CDCA7: variants seen among roughly 807,000 people sequenced by gnomAD.
CDCA7 encodes cell division cycle associated 7.
A neutral mutation model predicts 54.0 loss-of-function variants in CDCA7; 28 were observed. The ratio of observed to expected loss-of-function variants is 0.52; its 90% confidence interval spans 0.38 to 0.71. The LOEUF is 0.71. CDCA7 is among the 30% of genes least tolerant of loss of function. The pLI, the probability that CDCA7 is intolerant of heterozygous loss-of-function variation, is 0.00. For synonymous variants in CDCA7, 180 were observed against 208.2 expected, an observed-to-expected ratio of 0.86 and a Z score of 1.16; for missense variants, 484 against 586.0, an observed-to-expected ratio of 0.83 and a Z score of 1.80.
chr2:173,356,049 T>C (rs904493800), intron 1 of CDCA7: 1 of 152,330 alleles, frequency 6.6e-6, no homozygotes, highest in Admixed American at 6.5e-5. Flanking sequence ...CCTCATTGGC[T>C]AAGTGAGAAT....
In CDCA7 at chr2:173,367,915, A is replaced by G. The variant is rs1043168826; in HGVS notation, c.*251A>G. 11 of 544,090 alleles carry G rather than the reference A, an allele frequency of 2.0e-5. No individual in the cohort carries two copies. The highest frequency in any genetic ancestry group is 1.9e-4 in the African/African-American group (10 of 52,374). 33.7% of individuals were successfully genotyped at this position (544,090 alleles called of 1,614,324 possible). ...CTCACAGCATCCCCCTCTATTTCCA[A>G]TGCTCCTCTCCAACCGCTTAGTTTC... On this transcript the variant is annotated 3_prime_UTR_variant, in exon 10 of 10. Coordinates refer to ENST00000306721, the MANE Select transcript of CDCA7 (RefSeq NM_031942.5).
chr2:173,358,649 A>T, intron 1 of CDCA7, 63 bp from the exon 2 acceptor site: 2 of 1,555,950 alleles, frequency 1.3e-6, no homozygotes, highest in African/African-American at 1.4e-5. Flanking sequence ...CTAAAAAAAA[A>T]TGATGTCTTT....
At chr2:173,355,658 C>T (rs1686485789) in intron 1 of CDCA7, among the ~76,000 whole-genome samples, 2 of 145,976 alleles carry the variant, frequency 1.4e-5, no homozygotes, top group Admixed American at 6.9e-5. Flanking sequence ...CTTCCTCCAC[C>T]CCAACCCCCA....
rs1686753782 is a variant in CDCA7, at chr2:173,367,900, C to T, written c.*236C>T. 1 of 561,178 alleles carries T rather than the reference C, an allele frequency of 1.8e-6. No individual in the cohort carries two copies. Among genetic ancestry groups the T allele is most frequent in the Non-Finnish European group, 3.2e-6 (1 of 316,464 alleles). 34.8% of individuals were successfully genotyped at this position (561,178 alleles called of 1,614,324 possible). On this transcript the variant is annotated 3_prime_UTR_variant, in exon 10 of 10. Coordinates refer to ENST00000306721, the MANE Select transcript of CDCA7 (RefSeq NM_031942.5). ...GCTCCCAACCCCCATCTCACAGCAT[C>T]CCCCTCTATTTCCAATGCTCCTCTC... is the stretch of plus-strand genomic sequence containing the variant.
chr2:173,364,505 A>AT (rs1172008309), intron 5 of CDCA7: 2,913 of 230,118 alleles, frequency 0.013, no homozygotes, highest in South Asian at 0.019. Flanking sequence ...CATCAGAGAA[A>AT]ATTTTTTTTT....
At chr2:173,358,067 G>A (rs1025629508) in intron 1 of CDCA7, among the ~76,000 whole-genome samples, 1 of 152,086 alleles carries the variant, frequency 6.6e-6, no homozygotes, top group Non-Finnish European at 1.5e-5. Flanking sequence ...GGGCGTGGTG[G>A]CGGGCGCCTG....
intron 1 of CDCA7, 130 bp downstream of exon 1, chr2:173,355,114 C>T: frequency 9.4e-7 from 1 of 1,060,236 alleles, no homozygotes; most frequent in Non-Finnish European, 1.2e-6. Context: ...GCGTTGCCCG[C>T]TTGGGCAAGC....
chr2:173,362,437 A>G (rs1489438229), intron 3 of CDCA7, among the ~76,000 whole-genome samples: 2 of 152,188 alleles, frequency 1.3e-5, no homozygotes, highest in African/African-American at 4.8e-5. Flanking sequence ...ATTGACTTGT[A>G]TACTTAGAAA....
intron 1 of CDCA7, among the ~76,000 whole-genome samples, chr2:173,355,604 G>C (rs1239994109): frequency 1.3e-5 from 2 of 152,144 alleles, no homozygotes; most frequent in African/African-American, 4.8e-5. Context: ...CATTTAAAGG[G>C]CTTGGTGGGT....
intron 1 of CDCA7, among the ~76,000 whole-genome samples, chr2:173,358,069 G>T (rs902383131): frequency 6.6e-6 from 1 of 151,998 alleles, no homozygotes; most frequent in Admixed American, 6.6e-5. Flanking sequence ...GCGTGGTGGC[G>T]GGCGCCTGTA....
At position 173,366,190 on chromosome 2, in the gene CDCA7, A is replaced by G. The variant is rs944920138; in HGVS notation, c.1036-93A>G. On this transcript the variant is annotated intron_variant, in intron 7 of 9. Coordinates refer to ENST00000306721, the MANE Select transcript of CDCA7 (RefSeq NM_031942.5). This position sits in a 1 kb window ranked among gnomAD's most constrained non-coding sequence, Gnocchi z 4.5. ...AGATTCATAGACAAAATGTAAGCCT[A>G]TACTACGAAGAGGGACATTCTGTAA... 3.6e-6 allele frequency: 5 copies of G among 1,408,322 alleles called. No homozygotes were observed. The highest frequency in any genetic ancestry group is 4.8e-6 in the Non-Finnish European group (5 of 1,036,420). The allele number at this position is 1,408,322 out of a possible 1,614,324, so 87.2% of individuals were successfully genotyped here. A position where few individuals can be genotyped will look rare whatever the true frequency, so the allele number is the denominator to read the frequency against.
In CDCA7 at chr2:173,367,693, A is replaced by C; in HGVS notation, c.*29A>C. Reference sequence around the variant, plus strand: ...CTGGAAAATTTGCTGCCTGCCTTCTACTTCTCAAATCTTTCTTGTAAAAGT... The same window carrying C: ...CTGGAAAATTTGCTGCCTGCCTTCTCCTTCTCAAATCTTTCTTGTAAAAGT... On this transcript the variant is annotated 3_prime_UTR_variant, in exon 10 of 10. Coordinates refer to ENST00000306721, the MANE Select transcript of CDCA7 (RefSeq NM_031942.5). 6.2e-7 allele frequency: 1 copy of C among 1,613,040 alleles called. No homozygotes were observed. Among genetic ancestry groups the C allele is most frequent in the Non-Finnish European group, 8.5e-7 (1 of 1,179,108 alleles).
intron 3 of CDCA7, among the ~76,000 whole-genome samples, chr2:173,360,523 G>T (rs892354236): frequency 2.0e-5 from 3 of 152,184 alleles, no homozygotes; most frequent in Non-Finnish European, 4.4e-5. Context: ...CTGTCAACCA[G>T]GCTGGAGTGC....
At position 173,354,896 on chromosome 2, in the gene CDCA7, G is replaced by C; in HGVS notation, c.-68G>C. On this transcript the variant is annotated 5_prime_UTR_variant, in exon 1 of 10. Transcript: ENST00000306721. The stretch of plus-strand genomic sequence containing the variant: ...CGCTGCTGCTGCTCCTCCTGCTGTG[G>C]GACCGCTGACCGCGCGGCTGCTCCG... The C allele has an allele frequency of 6.8e-7, 1 of 1,472,246 alleles. No individual in the cohort carries two copies. Among genetic ancestry groups the C allele is most frequent in the Non-Finnish European group, 8.9e-7 (1 of 1,118,288 alleles). The allele number at this position is 1,472,246 out of a possible 1,614,324, so 91.2% of individuals were successfully genotyped here. A position where few individuals can be genotyped will look rare whatever the true frequency, so the allele number is the denominator to read the frequency against.
At position 173,366,659 on chromosome 2, in the gene CDCA7, C is replaced by T. The variant is rs1387459897; in HGVS notation, c.1185+227C>T. ...GTTCAAGCGATTCTCCTGCCTCAGC[C>T]TCCCAAGTAGCTGGGACTACAGGCA... is the stretch of plus-strand genomic sequence containing the variant. On this transcript the variant is annotated intron_variant, in intron 8 of 9. Coordinates refer to ENST00000306721, the MANE Select transcript of CDCA7 (RefSeq NM_031942.5). This position sits in a 1 kb window ranked among gnomAD's most constrained non-coding sequence, Gnocchi z 4.5. 2.0e-5 allele frequency among the ~76,000 whole-genome samples: 3 copies of T among 152,180 alleles called. No individual in the cohort carries two copies. The highest frequency in any genetic ancestry group is 7.2e-5 in the African/African-American group (3 of 41,430).
chr2:173,363,794 C>T, intron 4 of CDCA7, 24 bp from the exon 5 acceptor site: 1 of 1,607,434 alleles, frequency 6.2e-7, no homozygotes. Context: ...CCAATGATAT[C>T]AGTTTAATTT....
intron 3 of CDCA7, 124 bp from the exon 4 acceptor site, chr2:173,363,102 C>G (rs1350931976): frequency 6.9e-5 from 63 of 912,148 alleles, no homozygotes; most frequent in Non-Finnish European, 1.7e-6. Context: ...TTTTGTTACC[C>G]AGAGGTATCA....
chr2:173,365,098 A>C (rs544697691), intron 6 of CDCA7, 109 bp downstream of exon 6: 1 of 1,403,578 alleles, frequency 7.1e-7, no homozygotes, highest in East Asian at 2.7e-5. Context: ...GATCCATAGT[A>C]AATGTTTTCC....
intron 7 of CDCA7, 109 bp downstream of exon 7, chr2:173,365,701 A>C: frequency 8.1e-7 from 1 of 1,235,900 alleles, no homozygotes; most frequent in Non-Finnish European, 1.1e-6. Flanking sequence ...TGAAATCTGT[A>C]CCTATATGTT....
Sources: allele counts gnomAD v4.1 joint callset (sites outside exome capture counted in the v4.1 genomes callset), GRCh38; gene constraint gnomAD v4.1.1; non-coding constraint Gnocchi (gnomAD v3.1); transcripts MANE v1.5; gene names NCBI Gene and HGNC (gene_info 2026-07-23, HGNC 2026-07-21).